The following ZNF83 variants were observed in gnomAD, a reference collection of about 807,000 sequenced individuals.
ZNF83 encodes the protein zinc finger protein 816B.
For missense variants in ZNF83, 552 were observed against 629.9 expected, an observed-to-expected ratio of 0.88 and a Z score of 1.32; for synonymous variants, 209 against 213.0, an observed-to-expected ratio of 0.98 and a Z score of 0.17.
rs539417640 is a variant in ZNF83, at chr19:52,635,153, C to T, written c.-321G>A. On this transcript the variant is annotated splice_region_variant and 5_prime_UTR_variant, in exon 2 of 3. Coordinates refer to ENST00000301096, the Ensembl canonical transcript of ZNF83. ...GTACCAAGAGTCCTTAGAAGTCAAT[C>T]CTGAATGTTAAAAATATGTTGTTTA... 9.4e-6 allele frequency: 6 copies of T among 640,276 alleles called. No individual in the cohort carries two copies. The East Asian group carries it at 1.5e-4, about 16-fold the overall frequency. The allele number at this position is 640,276 out of a possible 1,614,324, so 39.7% of individuals were successfully genotyped here.
intron 3 of ZNF83, among the ~76,000 whole-genome samples, chr19:52,648,390 A>G (rs2147243043): frequency 6.6e-6 from 1 of 152,320 alleles, no homozygotes; most frequent in African/African-American, 2.4e-5. Context: ...AACGCTGTCC[A>G]AAAAGCTAAG....
At chr19:52,687,809 A>T (rs1416276894) in intron 1 of ZNF83, among the ~76,000 whole-genome samples, 1 of 149,174 alleles carries the variant, frequency 6.7e-6, no homozygotes, top group African/African-American at 2.5e-5. Context: ...CGAGTGATAC[A>T]GCCAGACCCT....
At chr19:52,613,228 T>C (rs1289060627) in exon 3 of ZNF83, 7 of 1,614,078 alleles carry the variant, frequency 4.3e-6, no homozygotes, top group Admixed American at 1.7e-5. Flanking sequence ...TTTCCGATGA[T>C]GTGCTAGGGA....
chr19:52,627,833 G>A (rs140094239), intron 2 of ZNF83, among the ~76,000 whole-genome samples: 11,426 of 152,118 alleles, frequency 0.075, 569 homozygotes, highest in Non-Finnish European at 0.12. Context: ...ATCATATCCC[G>A]TGACCTGCAC....
chr19:52,644,179 C>CTT (rs35109145), intron 3 of ZNF83, among the ~76,000 whole-genome samples: 1 of 147,450 alleles, frequency 6.8e-6, no homozygotes, highest in Non-Finnish European at 1.5e-5. Flanking sequence ...TTCCATTCTT[C>CTT]TTTTTTTTTT....
intron 1 of ZNF83, among the ~76,000 whole-genome samples, chr19:52,671,398 G>A (rs2061723123): frequency 6.6e-6 from 1 of 151,860 alleles, no homozygotes; most frequent in Non-Finnish European, 1.5e-5. Context: ...TTCACTCTAT[G>A]TGCCTTCTGA....
intron 3 of ZNF83, chr19:52,652,916 G>A: frequency 8.8e-7 from 1 of 1,141,338 alleles, no homozygotes; most frequent in Non-Finnish European, 1.3e-6. Flanking sequence ...CCACTATGAA[G>A]TCTATAATGG....
chr19:52,634,478 G>A (rs2061079870), intron 2 of ZNF83, among the ~76,000 whole-genome samples: 1 of 152,072 alleles, frequency 6.6e-6, no homozygotes, highest in Non-Finnish European at 1.5e-5. Context: ...CTATTATTCA[G>A]GTTGATTTCC....
chr19:52,687,578 TTATA>T (rs35178808), intron 1 of ZNF83, among the ~76,000 whole-genome samples: 5,820 of 38,520 alleles, frequency 0.15, 1,802 homozygotes, highest in African/African-American at 0.56. Flanking sequence ...TATATAAATT[TTATA>T]TATATATATA....
chr19:52,616,956 TCTCA>T (rs1374405491), intron 2 of ZNF83: 6 of 152,092 alleles, frequency 3.9e-5, no homozygotes, highest in African/African-American at 1.5e-4. Flanking sequence ...CACCGCATGT[TCTCA>T]CTCATAAGTG....
At chr19:52,653,111 T>C in intron 3 of ZNF83, 2 of 1,466,336 alleles carry the variant, frequency 1.4e-6, no homozygotes, top group Non-Finnish European at 1.9e-6. Flanking sequence ...AGGGATGAAT[T>C]TCGAGCAAAG....
At chr19:52,652,887 G>T in intron 3 of ZNF83, 13 of 1,009,804 alleles carry the variant, frequency 1.3e-5, no homozygotes, top group East Asian at 2.8e-5. Context: ...CACACTCATT[G>T]CACTTGTAAG....
At chr19:52,639,413 C>CTTTTTTTTTCTTTTTTTTTTTTTT (rs1206783591), upstream of ZNF83, among the ~76,000 whole-genome samples, 1 of 53,882 alleles carries the variant, frequency 1.9e-5, no homozygotes, top group Non-Finnish European at 3.3e-5. Context: ...TTAGTTTTTT[C>CTTTTTTTTTCTTTTTTTTTTTTTT]TATTTTTTTT....
chr19:52,667,815 T>C (rs953646299), intron 1 of ZNF83, among the ~76,000 whole-genome samples: 1 of 152,196 alleles, frequency 6.6e-6, no homozygotes, highest in African/African-American at 2.4e-5. Flanking sequence ...TAACATTGGA[T>C]AAATATGTCT....
intron 1 of ZNF83, among the ~76,000 whole-genome samples, chr19:52,661,528 C>T (rs11672162): frequency 0.28 from 42,999 of 152,102 alleles, 6,323 homozygotes; most frequent in Middle Eastern, 0.36. Flanking sequence ...GAATCACCAG[C>T]GCCATCGTAT....
intron 1 of ZNF83, among the ~76,000 whole-genome samples, chr19:52,665,848 G>A (rs888292913): frequency 1.3e-5 from 2 of 152,048 alleles, no homozygotes; most frequent in Non-Finnish European, 2.9e-5. Flanking sequence ...CATCTATGAG[G>A]ACGCACCCTT....
In ZNF83 at chr19:52,628,709, C is replaced by T. The variant is rs188078463; in HGVS notation, c.-234+6357G>A. Among the ~76,000 whole-genome samples the T allele has an allele frequency of 5.1e-3, 777 of 152,078 alleles. 5 individuals are homozygous for T. The highest frequency in any genetic ancestry group is 0.017 in the African/African-American group (686 of 41,456). ...AACACCTTCTCTCTGTGTCTCTACC[C>T]CTTCTTCGCCTTTCTGGGGGGCAAG... On this transcript the variant is annotated intron_variant, in intron 2 of 2. Coordinates refer to ENST00000301096, the Ensembl canonical transcript of ZNF83.
intron 2 of ZNF83, chr19:52,618,670 T>G (rs527518537): frequency 5.4e-5 from 29 of 540,984 alleles, no homozygotes; most frequent in African/African-American, 9.6e-5. Context: ...GTGCTGGGAT[T>G]ACAGGCATGA....
intron 1 of ZNF83, among the ~76,000 whole-genome samples, chr19:52,677,306 T>TAAAAAAAAAAAAAAAAAAAAAA (rs67835464): frequency 9.4e-6 from 1 of 106,462 alleles, no homozygotes; most frequent in Non-Finnish European, 2.0e-5. Context: ...AATTGAGAAG[T>TAAAAAAAAAAAAAAAAAAAAAA]AAAAAAAAAA....
Sources: allele counts gnomAD v4.1 joint callset (sites outside exome capture counted in the v4.1 genomes callset), GRCh38; gene constraint gnomAD v4.1.1; transcripts MANE v1.5; gene names NCBI Gene and HGNC (gene_info 2026-07-23, HGNC 2026-07-21).